NPC1: variants seen among roughly 807,000 people sequenced by gnomAD.
NPC1 encodes NPC intracellular cholesterol transporter 1.
A neutral mutation model predicts 140.4 loss-of-function variants in NPC1; 85 were observed. The ratio of observed to expected loss-of-function variants is 0.61; its 90% CI spans 0.51 to 0.72. The LOEUF (loss-of-function observed/expected upper bound fraction) is 0.72. Among genes scored for constraint, NPC1 ranks in the 30% least tolerant of loss-of-function variants. The probability of loss-of-function intolerance (pLI) is 0.00; values close to 1 mark genes in which losing one functional copy is unlikely to be tolerated. For synonymous variants in NPC1, 656 were observed against 624.8 expected (o/e 1.05, Z -0.74); for missense variants, 1,504 against 1,623.8 (o/e 0.93, Z 1.27).
intron 3 of NPC1, among the ~76,000 whole-genome samples, chr18:23,513,702 TTGC>T (rs2057923743): frequency 6.6e-6 from 1 of 152,184 alleles, no homozygotes; most frequent in South Asian, 2.1e-4. Flanking sequence ...TCACCAACAC[TTGC>T]TGTTTTGTTT....
chr18:23,538,694 AC>A (rs764389594), intron 19 of NPC1, 23 bp from the exon 20 acceptor site: 2 of 1,613,304 alleles, frequency 1.2e-6, no homozygotes, highest in South Asian at 2.2e-5. Context: ...TGCAGGGAGG[AC>A]TGTTAGAAGA....
chr18:23,552,606 C>T (rs1054894786), intron 9 of NPC1, among the ~76,000 whole-genome samples: 4 of 152,142 alleles, frequency 2.6e-5, no homozygotes, highest in Non-Finnish European at 5.9e-5. Flanking sequence ...AGCGCAATGG[C>T]GCAGGCAAGA....
rs913008798 is a variant in NPC1 at position 23,535,380 on chromosome 18, A to G, written c.3477+89T>C. On this transcript the variant is annotated intron_variant, in intron 22 of 24. Coordinates refer to ENST00000269228, the MANE Select transcript of NPC1 (RefSeq NM_000271.5). ...AGCGCCAGACTTGGTATCTTACTCC[A>G]TCTTTAGGGTTTACATGGAATCTAA... is the stretch of plus-strand genomic sequence containing the variant. 11 of 953,550 alleles carry G rather than the reference A, an allele frequency of 1.2e-5. No individual in the cohort carries two copies. In the African/African-American group the frequency reaches 1.3e-4, roughly 11 times the overall value. 59.1% of individuals were successfully genotyped at this position (953,550 alleles called of 1,614,324 possible). A position where few individuals can be genotyped will look rare whatever the true frequency, so the allele number is the denominator to read the frequency against.
At chr18:23,586,162 G>A in intron 1 of NPC1, 125 bp downstream of exon 1, 1 of 980,760 alleles carries the variant, frequency 1.0e-6, no homozygotes, top group Non-Finnish European at 1.5e-6. Flanking sequence ...GAACCTCCGA[G>A]CTCTCCATCG....
In NPC1 at chr18:23,531,825, T is replaced by C. The variant is rs2058520221; in HGVS notation, c.*377A>G. ...ACAACCTCAACTGTCACTAAAAATA[T>C]GGTATAGAACTTGTGGGATGGCTTA... On this transcript the variant is annotated 3_prime_UTR_variant, in exon 25 of 25. Transcript: ENST00000269228. 3 of 1,490,816 alleles carry C rather than the reference T, an allele frequency of 2.0e-6. No individual in the cohort carries two copies. The highest frequency in any genetic ancestry group is 4.8e-5 in the East Asian group (2 of 41,522). The allele number at this position is 1,490,816 out of a possible 1,614,324, so 92.3% of individuals were successfully genotyped here.
chr18:23,551,280 TC>T (rs1186626130), intron 10 of NPC1, among the ~76,000 whole-genome samples: 8 of 152,134 alleles, frequency 5.3e-5, no homozygotes, highest in Non-Finnish European at 1.2e-4. Flanking sequence ...TTACCTGAGG[TC>T]CATGAGCTCC....
At chr18:23,528,947 T>C (rs1432641960), downstream of NPC1, 4 of 491,448 alleles carry the variant, frequency 8.1e-6, no homozygotes, top group Non-Finnish European at 1.4e-5. Flanking sequence ...TGGTGAGATC[T>C]TGGCTCACCG....
At chr18:23,530,321 A>T (rs375373261), downstream of NPC1, 3 of 1,614,168 alleles carry the variant, frequency 1.9e-6, no homozygotes, top group Non-Finnish European at 1.7e-6. Flanking sequence ...GTGAGGTTTT[A>T]GACTATGGAA....
chr18:23,537,918 G>C (rs1728856751), intron 20 of NPC1, among the ~76,000 whole-genome samples: 1 of 152,154 alleles, frequency 6.6e-6, no homozygotes, highest in Admixed American at 6.5e-5. Context: ...AAAAACCTAA[G>C]TTCAGGGTTT....
intron 9 of NPC1, among the ~76,000 whole-genome samples, chr18:23,553,806 C>A (rs748643214): frequency 6.6e-6 from 1 of 152,276 alleles, no homozygotes; most frequent in Non-Finnish European, 1.5e-5. Context: ...TATAAACGCA[C>A]CCTGCCCAGC....
In NPC1 at chr18:23,551,684, A is replaced by T; in HGVS notation, c.1597T>A (p.Cys533Ser). The T allele has an allele frequency of 6.2e-7, 1 of 1,614,224 alleles. No individual in the cohort carries two copies. Among genetic ancestry groups the T allele is most frequent in the Non-Finnish European group, 8.5e-7 (1 of 1,180,038 alleles). The change falls in exon 10 of 25, where the codon TGT (cysteine) becomes AGT (serine). Residue 533 changes from cysteine to serine, a missense_variant. Cys to Ser is a moderately radical substitution (Grantham distance 112). Transcript: ENST00000269228. ...ACTGGTCCACCAAACGTACCCAGAC[A>T]AGGGTCATGGAGCAAACTTGTATCA... ...LNDTSLLHDP[C>S]LGTFGGPVFP...
At chr18:23,532,400 G>C in intron 24 of NPC1, 116 bp from the exon 25 acceptor site, 1 of 1,111,928 alleles carries the variant, frequency 9.0e-7, no homozygotes. Context: ...AGAATTGCTT[G>C]AGACCAGCCT....
At chr18:23,528,447 AG>A (rs2058373626), downstream of NPC1, 1 of 153,680 alleles carries the variant, frequency 6.5e-6, no homozygotes, top group African/African-American at 2.4e-5. Context: ...CCAGAAGAAA[AG>A]TTTAGGACAA....
chr18:23,563,796 C>T (rs2059078907), intron 4 of NPC1, among the ~76,000 whole-genome samples: 1 of 152,086 alleles, frequency 6.6e-6, no homozygotes, highest in Non-Finnish European at 1.5e-5. Context: ...GACTTTGATT[C>T]TAGCCATCCT....
Position 23,557,165 on chromosome 18 carries a change from T to C in NPC1, c.907A>G (p.Thr303Ala). The change falls in exon 7 of 25, where the codon ACT (threonine) becomes GCT (alanine). Residue 303 changes from threonine (T) to alanine (A), a missense_variant. Transcript: ENST00000269228. ...AAAGCTATATTGCTATCGATGGGAGTGTACTCGGAGACAAAATACCGTTTT... is the reference window on the plus strand; with the variant it reads ...AAAGCTATATTGCTATCGATGGGAGCGTACTCGGAGACAAAATACCGTTTT... ...YRKRYFVSEY[T>A]PIDSNIAFSV... 1 of 1,613,664 alleles carries C rather than the reference T, an allele frequency of 6.2e-7. No individual in the cohort carries two copies. The highest frequency in any genetic ancestry group is 1.1e-5 in the South Asian group (1 of 91,078).
At chr18:23,548,215 C>T (rs1390078502) in intron 10 of NPC1, 107 bp from the exon 11 acceptor site, 2 of 747,598 alleles carry the variant, frequency 2.7e-6, no homozygotes, top group Admixed American at 1.9e-5. Context: ...GAGCTATGGA[C>T]TGTATCTCTG....
chr18:23,535,146 GA>G (rs1352757120), intron 22 of NPC1, among the ~76,000 whole-genome samples: 1 of 152,090 alleles, frequency 6.6e-6, no homozygotes, highest in East Asian at 1.9e-4. Context: ...ACTAGGCCAG[GA>G]AATCACATTT....
At chr18:23,553,712 T>A (rs1253874131) in intron 9 of NPC1, among the ~76,000 whole-genome samples, 2 of 152,184 alleles carry the variant, frequency 1.3e-5, no homozygotes, top group Admixed American at 6.5e-5. Context: ...TCCGGCATCA[T>A]GCTACTCTTC....
chr18:23,534,565 A>C lies in NPC1; in HGVS notation c.3478-6T>G. 6.2e-7 allele frequency: 1 copy of C among 1,609,176 alleles called. No individual in the cohort carries two copies. Among genetic ancestry groups the C allele is most frequent in the Non-Finnish European group, 8.5e-7 (1 of 1,176,180 alleles). On this transcript the variant is annotated splice_polypyrimidine_tract_variant and splice_region_variant and intron_variant, in intron 22 of 24. Transcript: ENST00000269228. ...TCCACGGAGATGCCACAGCTCTGAA[A>C]TAAAGCACTTCCTTTAGGATGGCTC... is the stretch of plus-strand genomic sequence containing the variant.
Sources: gnomAD v4.1 joint callset for allele counts (sites outside exome capture counted in the v4.1 genomes callset) on GRCh38, gnomAD v4.1.1 for gene constraint, MANE v1.5 for transcripts, NCBI Gene and HGNC (gene_info 2026-07-23, HGNC 2026-07-21) for gene names.